Variants in UTRN observed in about 807,000 individuals in gnomAD.
UTRN encodes dystrophin-related protein 1.
Under a neutral mutation model 463.9 loss-of-function variants are expected in UTRN, and 283 were observed. The observed-to-expected ratio is 0.61, with a 90% CI of 0.55 to 0.67. The LOEUF (loss-of-function observed/expected upper bound fraction) is 0.67, where lower values mean the gene tolerates loss of function less well. UTRN is among the 30% of genes least tolerant of loss of function. UTRN has a pLI of 0.00. For missense variants in UTRN, 3,922 were observed against 4,084.3 expected, an observed-to-expected ratio of 0.96 and a Z score of 1.08; for synonymous variants, 1,442 against 1,431.5, an observed-to-expected ratio of 1.01 and a Z score of -0.17.
At chr6:144,470,711 C>T (rs999391671) in intron 23 of UTRN, among the ~76,000 whole-genome samples, 6 of 151,942 alleles carry the variant, frequency 3.9e-5, no homozygotes, top group African/African-American at 9.7e-5. Context: ...GCCGAGATCA[C>T]GCCACTGCAC....
Position 144,782,054 on chromosome 6 carries a change from A to G in UTRN, c.8765A>G (p.His2922Arg), listed in dbSNP as rs759040843. Residue 2922 changes from histidine (H) to arginine (R), a missense_variant, in exon 61 of 75, where the codon CAT becomes CGT. His to Arg is a conservative substitution (Grantham distance 29, BLOSUM62 0). Transcript: ENST00000367545. ...ACTTATGATGGACTTGAGCAAATGC[A>G]TAAGGACCTGGTCAACGTTCCACTC... Reference protein sequence around the residue: ...TTTYDGLEQMHKDLVNVPLCV... With the variant: ...TTTYDGLEQMRKDLVNVPLCV... 6.8e-6 allele frequency: 11 copies of G among 1,614,066 alleles called. No individual in the cohort carries two copies. The highest frequency in any genetic ancestry group is 8.5e-6 in the Non-Finnish European group (10 of 1,179,970).
At chr6:144,601,054 A>G (rs573253956) in intron 51 of UTRN, among the ~76,000 whole-genome samples, 48 of 152,306 alleles carry the variant, frequency 3.2e-4, no homozygotes, top group African/African-American at 1.1e-3. Context: ...TTTAAGCTCA[A>G]TGTTGAGACC....
chr6:144,299,346 G>A (rs1287822607), intron 2 of UTRN, among the ~76,000 whole-genome samples: 1 of 152,150 alleles, frequency 6.6e-6, no homozygotes, highest in Non-Finnish European at 1.5e-5. Flanking sequence ...CATTTTAGAG[G>A]AGCAAGGAAA....
rs73597594 is a variant in UTRN, at chr6:144,651,216, C to T, written c.7480-27190C>T. ...ATATGAAAACTAGTGGAACCCTCAC[C>T]TCTGAAAAAGTCAATGCAGGCATTT... is the stretch of plus-strand genomic sequence containing the variant. On this transcript the variant is annotated intron_variant, in intron 51 of 74. Coordinates refer to ENST00000367545, the MANE Select transcript of UTRN (RefSeq NM_007124.3). 3.4e-3 allele frequency among the ~76,000 whole-genome samples: 509 copies of T among 151,898 alleles called. 6 individuals are homozygous for T. The highest frequency in any genetic ancestry group is 0.012 in the African/African-American group (487 of 41,454).
chr6:144,557,430 T>TATTTC, intron 50 of UTRN, 119 bp downstream of exon 50: 2 of 908,892 alleles, frequency 2.2e-6, no homozygotes, highest in Non-Finnish European at 2.9e-6. Flanking sequence ...TATTATTATG[T>TATTTC]ATTTTTATAC....
In UTRN at chr6:144,424,205, C is replaced by T. The variant is rs903610904; in HGVS notation, c.405+127C>T. The T allele has an allele frequency of 5.9e-5, 60 of 1,012,950 alleles. 1 individual carries two copies. In the African/African-American group the frequency reaches 7.2e-4, roughly 12 times the overall value. The allele number at this position is 1,012,950 out of a possible 1,614,324, so 62.7% of individuals were successfully genotyped here. ...TTGAACAACAGAAATTTGTTGTCTC[C>T]CAGTTCTGGAGGCCAGAAGTCCAAG... On this transcript the variant is annotated intron_variant, in intron 6 of 74. Coordinates refer to ENST00000367545, the MANE Select transcript of UTRN (RefSeq NM_007124.3).
chr6:144,826,880 C>G (rs1043867199), intron 66 of UTRN, among the ~76,000 whole-genome samples: 2 of 151,942 alleles, frequency 1.3e-5, no homozygotes, highest in African/African-American at 2.4e-5. Context: ...ACATGAAGAA[C>G]AGAAAAGTCT....
intron 51 of UTRN, among the ~76,000 whole-genome samples, chr6:144,596,753 T>C (rs1443391445): frequency 6.6e-6 from 1 of 152,218 alleles, no homozygotes; most frequent in Non-Finnish European, 1.5e-5. Flanking sequence ...CTTTTTTCAA[T>C]TATTCTGTAT....
chr6:144,430,698 A>G (rs1250117694), intron 9 of UTRN, among the ~76,000 whole-genome samples: 1 of 152,192 alleles, frequency 6.6e-6, no homozygotes, highest in Non-Finnish European at 1.5e-5. Flanking sequence ...AGCAACAGCT[A>G]TCATTATTAT....
At chr6:144,805,849 CA>C (rs1333968772) in intron 65 of UTRN, among the ~76,000 whole-genome samples, 1 of 151,710 alleles carries the variant, frequency 6.6e-6, no homozygotes, top group South Asian at 2.1e-4. Context: ...AACCAGGGAA[CA>C]GAAAGAAACC....
rs756739804 is a variant in UTRN, at chr6:144,551,090, T to C, written c.6928+8T>C. ...CAGCAATTACAGAAAAATGTAAGTT[T>C]TTTAAAAAAAGTTATGTATTATCAT... is the stretch of plus-strand genomic sequence containing the variant. On this transcript the variant is annotated splice_region_variant and intron_variant, in intron 48 of 74. Transcript: ENST00000367545. 1 of 1,589,372 alleles carries C rather than the reference T, an allele frequency of 6.3e-7. No homozygotes were observed. The highest frequency in any genetic ancestry group is 1.1e-5 in the South Asian group (1 of 87,038).
intron 51 of UTRN, among the ~76,000 whole-genome samples, chr6:144,632,504 C>T (rs1051242077): frequency 6.6e-6 from 1 of 151,852 alleles, no homozygotes; most frequent in African/African-American, 2.4e-5. Context: ...TAATAGCAAA[C>T]ATGACTCAGA....
At chr6:144,296,534 G>A (rs1804720790) in intron 2 of UTRN, among the ~76,000 whole-genome samples, 2 of 152,190 alleles carry the variant, frequency 1.3e-5, no homozygotes, top group Non-Finnish European at 2.9e-5. Context: ...TAATAGGTGA[G>A]CAATAAATGT....
At chr6:144,809,053 T>C (rs920162554) in intron 65 of UTRN, among the ~76,000 whole-genome samples, 1 of 152,170 alleles carries the variant, frequency 6.6e-6, no homozygotes, top group Admixed American at 6.5e-5. Flanking sequence ...GATATGATAG[T>C]TCTATTTTTA....
intron 51 of UTRN, among the ~76,000 whole-genome samples, chr6:144,620,931 T>G (rs933546693): frequency 2.0e-5 from 3 of 152,084 alleles, no homozygotes; most frequent in Non-Finnish European, 4.4e-5. Context: ...GTTGGTCAGG[T>G]GTAAGTGAGG....
chr6:144,477,554 A>C (rs768195004), intron 25 of UTRN, among the ~76,000 whole-genome samples: 1 of 151,460 alleles, frequency 6.6e-6, no homozygotes, highest in Non-Finnish European at 1.5e-5. Context: ...ACACACACAC[A>C]CACACACGCA....
intron 58 of UTRN, among the ~76,000 whole-genome samples, chr6:144,768,501 A>G (rs939046635): frequency 2.0e-5 from 3 of 152,152 alleles, no homozygotes; most frequent in Admixed American, 1.3e-4. Context: ...ATACAAATAC[A>G]AAAAGAGCAT....
chr6:144,498,072 G>A (rs765580676), intron 33 of UTRN, among the ~76,000 whole-genome samples: 1 of 152,202 alleles, frequency 6.6e-6, no homozygotes, highest in African/African-American at 2.4e-5. Context: ...TTGACAGAGT[G>A]CAGTTACCTG....
At chr6:144,408,331 G>A (rs1270391945) in intron 3 of UTRN, among the ~76,000 whole-genome samples, 2 of 152,202 alleles carry the variant, frequency 1.3e-5, no homozygotes, top group African/African-American at 4.8e-5. Context: ...TCCCAAGGGA[G>A]GCAGCAAAGG....
Sources: gnomAD v4.1 joint callset for allele counts (sites outside exome capture counted in the v4.1 genomes callset) on GRCh38, gnomAD v4.1.1 for gene constraint, MANE v1.5 for transcripts, NCBI Gene and HGNC (gene_info 2026-07-23, HGNC 2026-07-21) for gene names.